The following RFX3 variants were observed in gnomAD, a reference collection of about 807,000 sequenced individuals.
RFX3 encodes transcription factor RFX3.
A neutral mutation model predicts 98.6 loss-of-function variants in RFX3; 14 were observed. That is an observed-to-expected ratio of 0.14 (90% CI 0.09 to 0.22). The LOEUF is 0.22. Among genes scored for constraint, RFX3 ranks in the 10% least tolerant of loss-of-function variants. The probability of loss-of-function intolerance (pLI) is 1.00; values close to 1 mark genes in which losing one functional copy is unlikely to be tolerated. For synonymous variants in RFX3, 383 were observed against 328.4 expected (o/e 1.17, Z -1.80); for missense variants, 639 against 926.9 (o/e 0.69, Z 4.03).
intron 3 of RFX3, among the ~76,000 whole-genome samples, chr9:3,338,761 G>A (rs1281685143): frequency 6.6e-6 from 1 of 152,142 alleles, no homozygotes; most frequent in Non-Finnish European, 1.5e-5. Context: ...TATGAAACCT[G>A]ATTTTCACAG....
chr9:3,482,645 A>C (rs893354276), intron 1 of RFX3, among the ~76,000 whole-genome samples: 16 of 152,224 alleles, frequency 1.1e-4, no homozygotes, highest in African/African-American at 3.9e-4. Context: ...TTTACATTTT[A>C]TTCCTTTTTC....
At chr9:3,280,696 G>C (rs926040440) in intron 7 of RFX3, among the ~76,000 whole-genome samples, 13 of 151,690 alleles carry the variant, frequency 8.6e-5, no homozygotes, top group African/African-American at 2.9e-4. Context: ...TCAATATCTA[G>C]GTAGTTTTTC....
At chr9:3,482,929 G>C (rs1178650941) in intron 1 of RFX3, among the ~76,000 whole-genome samples, 2 of 152,020 alleles carry the variant, frequency 1.3e-5, no homozygotes, top group African/African-American at 4.8e-5. Context: ...TATTTACACA[G>C]TATAATGGGA....
chr9:3,348,720 T>C (rs1834737948), intron 2 of RFX3, among the ~76,000 whole-genome samples: 1 of 152,100 alleles, frequency 6.6e-6, no homozygotes, highest in Admixed American at 6.6e-5. Context: ...TTTGTTTGTA[T>C]CCTTACGATT....
intron 1 of RFX3, among the ~76,000 whole-genome samples, chr9:3,437,839 T>G (rs915344142): frequency 6.6e-6 from 1 of 152,076 alleles, no homozygotes; most frequent in African/African-American, 2.4e-5. Context: ...GATGGCATAT[T>G]AAATATATTT....
At chr9:3,419,480 T>A (rs1387420320) in intron 1 of RFX3, among the ~76,000 whole-genome samples, 3 of 152,228 alleles carry the variant, frequency 2.0e-5, no homozygotes, top group Non-Finnish European at 4.4e-5. Context: ...TTTTTGACAC[T>A]GAGGCAAACC....
chr9:3,339,631 T>C (rs1016430347), intron 3 of RFX3, among the ~76,000 whole-genome samples: 1 of 152,146 alleles, frequency 6.6e-6, no homozygotes, highest in East Asian at 1.9e-4. Flanking sequence ...TGGGCCACTG[T>C]TCCAGGTATT....
At chr9:3,404,791 T>TG (rs1564056583) in intron 1 of RFX3, among the ~76,000 whole-genome samples, 2 of 152,100 alleles carry the variant, frequency 1.3e-5, no homozygotes, top group Non-Finnish European at 2.9e-5. Context: ...GAGACTAAAA[T>TG]GGGGAAAAAA....
chr9:3,341,868 C>T (rs576473809), intron 3 of RFX3, among the ~76,000 whole-genome samples: 2 of 152,332 alleles, frequency 1.3e-5, no homozygotes, highest in South Asian at 4.1e-4. Flanking sequence ...GAAAGCACCT[C>T]TGCATCTCAA....
intron 4 of RFX3, among the ~76,000 whole-genome samples, chr9:3,320,928 CAG>C (rs943025606): frequency 6.6e-6 from 1 of 151,482 alleles, no homozygotes; most frequent in Non-Finnish European, 1.5e-5. Context: ...TTTTTTGAGA[CAG>C]AGTCTCTGTT....
At chr9:3,350,063 G>A (rs923189783) in intron 2 of RFX3, among the ~76,000 whole-genome samples, 6 of 152,068 alleles carry the variant, frequency 3.9e-5, no homozygotes, top group South Asian at 2.1e-4. Context: ...TGGGTTTGGT[G>A]ATGCCTTTTT....
intron 2 of RFX3, among the ~76,000 whole-genome samples, chr9:3,373,361 C>A (rs1838074608): frequency 6.6e-6 from 1 of 152,190 alleles, no homozygotes; most frequent in South Asian, 2.1e-4. Flanking sequence ...ACACTTCAGA[C>A]AATATCTTTC....
Position 3,320,411 on chromosome 9 carries a change from G to A in RFX3, c.474+9848C>T, listed in dbSNP as rs139268258. Among the ~76,000 whole-genome samples the A allele has an allele frequency of 6.0e-3, 912 of 151,950 alleles. 10 individuals carry two copies. The highest frequency in any genetic ancestry group is 0.021 in the African/African-American group (877 of 41,442). ...CTACCAAAAATTACAAAAGCTAGCC[G>A]GGTGTGGTGGCGCATGCCTGTACTC... On this transcript the variant is annotated intron_variant, in intron 4 of 16. Coordinates refer to ENST00000617270, the MANE Select transcript of RFX3 (RefSeq NM_001282116.2).
chr9:3,407,240 T>A (rs1291793298), intron 1 of RFX3, among the ~76,000 whole-genome samples: 5 of 152,298 alleles, frequency 3.3e-5, no homozygotes, highest in Admixed American at 3.3e-4. Flanking sequence ...CTCTTAATAA[T>A]CATTGAAACT....
chr9:3,349,593 A>C lies in RFX3; in HGVS notation c.118-2829T>G, dbSNP rs76220605. 4.9e-3 allele frequency among the ~76,000 whole-genome samples: 735 copies of C among 150,494 alleles called. 7 individuals are homozygous for C. The highest frequency in any genetic ancestry group is 0.017 in the African/African-American group (693 of 39,974). On this transcript the variant is annotated intron_variant, in intron 2 of 16. Transcript: ENST00000617270. ...TCTTACTTACTGCCCCCACACCCCC[A>C]ACAGGTAACCATTTTCACTATGTTT...
At chr9:3,359,780 TATGATCA>T (rs2131365137) in intron 2 of RFX3, among the ~76,000 whole-genome samples, 1 of 152,266 alleles carries the variant, frequency 6.6e-6, no homozygotes, top group African/African-American at 2.4e-5. Flanking sequence ...AGTGAACTGA[TATGATCA>T]CTTTTAATAC....
At chr9:3,275,635 G>GA (rs753688905) in intron 8 of RFX3, 23 bp from the exon 9 acceptor site, 1 of 1,452,654 alleles carries the variant, frequency 6.9e-7, no homozygotes, top group Admixed American at 1.7e-5. Flanking sequence ...CAACAGAACA[G>GA]AAAAAAGCTA....
rs1047084946 is a variant in RFX3, at chr9:3,335,498, C to T, written c.216-4981G>A. 9.2e-5 allele frequency among the ~76,000 whole-genome samples: 14 copies of T among 151,926 alleles called. No individual in the cohort carries two copies. The South Asian group carries it at 1.0e-3, about 11-fold the overall frequency. On this transcript the variant is annotated intron_variant, in intron 3 of 16. Transcript: ENST00000617270. ...TTTCCTAAACATATGTTCAAGAAAA[C>T]GACTCAATTTTTGGCATATCAGATT...
intron 4 of RFX3, among the ~76,000 whole-genome samples, chr9:3,320,768 C>CATATAT (rs34990458): frequency 1.0e-3 from 89 of 85,864 alleles, no homozygotes; most frequent in Admixed American, 1.6e-3. Flanking sequence ...TGCTACATAG[C>CATATAT]ATATATATAT....
Sources: gnomAD v4.1 joint callset for allele counts (sites outside exome capture counted in the v4.1 genomes callset) on GRCh38, gnomAD v4.1.1 for gene constraint, MANE v1.5 for transcripts, NCBI Gene and HGNC (gene_info 2026-07-23, HGNC 2026-07-21) for gene names.